USH2A: variants seen among roughly 807,000 people sequenced by gnomAD.
USH2A encodes the protein Usher syndrome 2A (autosomal recessive, mild).
A neutral mutation model predicts 538.9 loss-of-function variants in USH2A; 443 were observed. The observed-to-expected ratio is 0.82, with a 90% CI of 0.76 to 0.89. USH2A has a LOEUF of 0.89. Among genes scored for constraint, USH2A ranks in the 40% least tolerant of loss-of-function variants. The pLI is 0.00. For missense variants in USH2A, 6,633 were observed against 6,324.8 expected (o/e 1.05, Z -1.65); for synonymous variants, 2,413 against 2,273.5 (o/e 1.06, Z -1.75).
intron 14 of USH2A, 145 bp downstream of exon 14, chr1:216,231,806 GTC>G: frequency 1.1e-5 from 10 of 898,744 alleles, no homozygotes; most frequent in Non-Finnish European, 1.8e-5. Context: ...GCCTGCCTTG[GTC>G]TCTCAAAGTG....
At chr1:216,239,864 A>C (rs2035900330) in intron 13 of USH2A, among the ~76,000 whole-genome samples, 1 of 152,102 alleles carries the variant, frequency 6.6e-6, no homozygotes, top group African/African-American at 2.4e-5. Flanking sequence ...GATGAGACAA[A>C]GGTTGTGGGG....
At chr1:216,106,539 T>C (rs2032738290) in intron 21 of USH2A, among the ~76,000 whole-genome samples, 1 of 151,496 alleles carries the variant, frequency 6.6e-6, no homozygotes, top group Non-Finnish European at 1.5e-5. Flanking sequence ...AATATTTTTT[T>C]CTCTCTCTTC....
At chr1:216,394,780 G>A (rs975057123) in intron 3 of USH2A, among the ~76,000 whole-genome samples, 2 of 144,532 alleles carry the variant, frequency 1.4e-5, no homozygotes, top group Admixed American at 7.1e-5. Context: ...GTGCAGTGGC[G>A]CGATCTCCGC....
intron 47 of USH2A, among the ~76,000 whole-genome samples, chr1:215,819,930 TG>T (rs1339908932): frequency 7.9e-5 from 12 of 151,750 alleles, no homozygotes; most frequent in Non-Finnish European, 1.5e-5. Flanking sequence ...GATCTGAAAA[TG>T]AAAGGCATCT....
chr1:216,332,183 T>C (rs1051417578), intron 4 of USH2A, among the ~76,000 whole-genome samples: 1 of 152,080 alleles, frequency 6.6e-6, no homozygotes, highest in Non-Finnish European at 1.5e-5. Context: ...CAGATGATTG[T>C]CATTATTCGA....
chr1:216,342,672 ATCATG>A (rs2038097552), intron 4 of USH2A, among the ~76,000 whole-genome samples: 1 of 152,092 alleles, frequency 6.6e-6, no homozygotes, highest in Admixed American at 6.6e-5. Flanking sequence ...AAGGAATAAG[ATCATG>A]TCTTTTGCAG....
chr1:215,744,711 C>T (rs1660413800), intron 58 of USH2A, among the ~76,000 whole-genome samples: 1 of 152,116 alleles, frequency 6.6e-6, no homozygotes, highest in South Asian at 2.1e-4. Context: ...CAAAGATGCT[C>T]AGGATTTTGT....
intron 20 of USH2A, among the ~76,000 whole-genome samples, chr1:216,177,565 G>T (rs749800051): frequency 1.9e-4 from 29 of 152,084 alleles, no homozygotes; most frequent in Non-Finnish European, 4.1e-4. Flanking sequence ...CCCTGGCCCT[G>T]AAGTGACCCC....
chr1:215,843,867 C>A (rs1663763476), intron 46 of USH2A, among the ~76,000 whole-genome samples: 1 of 151,910 alleles, frequency 6.6e-6, no homozygotes, highest in Non-Finnish European at 1.5e-5. Context: ...GAAATTGACA[C>A]CAAGTGAAGT....
chr1:215,785,691 CTAAA>C (rs1453561487), intron 52 of USH2A, among the ~76,000 whole-genome samples: 1 of 152,134 alleles, frequency 6.6e-6, no homozygotes, highest in African/African-American at 2.4e-5. Flanking sequence ...AACATTGAGA[CTAAA>C]TAATGTTCAA....
chr1:215,745,883 A>G lies in USH2A; in HGVS notation c.11390-2548T>C, dbSNP rs1184805153. On this transcript the variant is annotated intron_variant, in intron 58 of 71. Transcript: ENST00000307340. ...CTTGGAGACTATTCCGAAGCAAGGAAACAAATGATGGATAAGTAAAAATCA... is the reference window on the plus strand; with the variant it reads ...CTTGGAGACTATTCCGAAGCAAGGAGACAAATGATGGATAAGTAAAAATCA... Among the ~76,000 whole-genome samples, 12 of 152,328 alleles carry G rather than the reference A, an allele frequency of 7.9e-5. 1 individual carries two copies. In the South Asian group the frequency reaches 2.5e-3, roughly 32 times the overall value.
At chr1:215,722,066 TTA>T (rs1491163726) in intron 61 of USH2A, among the ~76,000 whole-genome samples, 1 of 64,118 alleles carries the variant, frequency 1.6e-5, no homozygotes, top group African/African-American at 4.6e-5. Context: ...CCCTGTCTCT[TTA>T]AAAAAAAAAA....
At position 215,796,424 on chromosome 1, in the gene USH2A, T is replaced by C. The variant is rs140805462; in HGVS notation, c.9958+2483A>G. On this transcript the variant is annotated intron_variant, in intron 50 of 71. Coordinates refer to ENST00000307340, the MANE Select transcript of USH2A (RefSeq NM_206933.4). ...TATTATTATATTTGTTATATTTTTA[T>C]ATTTTTAATTTTTATATTTTATATT... is the stretch of plus-strand genomic sequence containing the variant. 5.8e-3 allele frequency among the ~76,000 whole-genome samples: 887 copies of C among 151,676 alleles called. 6 individuals are homozygous for C. The highest frequency in any genetic ancestry group is 0.02 in the African/African-American group (833 of 41,486).
intron 56 of USH2A, among the ~76,000 whole-genome samples, chr1:215,763,792 ACTTCT>A (rs949260965): frequency 5.3e-5 from 8 of 152,070 alleles, no homozygotes; most frequent in Admixed American, 2.6e-4. Flanking sequence ...GATCCAGAGA[ACTTCT>A]CTTCTTATAG....
At chr1:215,717,833 G>A (rs187569824) in intron 61 of USH2A, among the ~76,000 whole-genome samples, 5 of 152,280 alleles carry the variant, frequency 3.3e-5, no homozygotes, top group East Asian at 1.9e-4. Context: ...GATGTCCAGT[G>A]TAGGTAAACG....
chr1:216,172,245 T>TA (rs1200478586), intron 21 of USH2A, among the ~76,000 whole-genome samples: 1 of 152,120 alleles, frequency 6.6e-6, no homozygotes, highest in Non-Finnish European at 1.5e-5. Flanking sequence ...ACTTGCAACA[T>TA]AATGTTCATG....
chr1:216,087,103 C>G (rs188931155), intron 23 of USH2A, among the ~76,000 whole-genome samples: 3 of 152,136 alleles, frequency 2.0e-5, no homozygotes, highest in Non-Finnish European at 2.9e-5. Context: ...GGTTCCAGTA[C>G]GAACTGCCAG....
intron 38 of USH2A, among the ~76,000 whole-genome samples, chr1:215,917,232 C>T (rs1025171340): frequency 6.6e-6 from 1 of 151,974 alleles, no homozygotes; most frequent in Non-Finnish European, 1.5e-5. Context: ...TAAGCCTTTG[C>T]TTTCGACATT....
At chr1:215,870,290 T>TA (rs202029580) in intron 43 of USH2A, among the ~76,000 whole-genome samples, 4,040 of 151,444 alleles carry the variant, frequency 0.027, 176 homozygotes, top group African/African-American at 0.093. Context: ...ATTTTTTATT[T>TA]TTTTTTTATT....
Sources: gnomAD v4.1 joint callset for allele counts (sites outside exome capture counted in the v4.1 genomes callset) on GRCh38, gnomAD v4.1.1 for gene constraint, MANE v1.5 for transcripts, NCBI Gene and HGNC (gene_info 2026-07-23, HGNC 2026-07-21) for gene names.